Variants in C6orf52 observed in about 807,000 individuals in gnomAD.
C6orf52 encodes chromosome 6 open reading frame 52, also known as putative uncharacterized protein C6orf52.
In C6orf52, 16 loss-of-function variants were observed where a neutral mutation model predicts 16.6. The observed-to-expected ratio is 0.96, with a 90% CI of 0.65 to 1.46. The LOEUF (loss-of-function observed/expected upper bound fraction) is 1.46. Ranked by LOEUF, C6orf52 falls within the 40% of genes most tolerant of loss-of-function variation. C6orf52 has a pLI of 0.00. For missense variants in C6orf52, 166 were observed against 182.3 expected, an observed-to-expected ratio of 0.91 and a Z score of 0.52; for synonymous variants, 53 against 61.4, an observed-to-expected ratio of 0.86 and a Z score of 0.64.
Position 10,687,575 on chromosome 6 carries a change from G to C in C6orf52, c.-11-14C>G. On this transcript the variant is annotated splice_polypyrimidine_tract_variant and intron_variant, in intron 1 of 4. Coordinates refer to ENST00000259983, the MANE Select transcript of C6orf52 (RefSeq NM_001145020.3). ...TTTACCCAGAAACTTTACAAAAAGAGAGCAGAATCCAGTTTTTATTCCTGC... is the reference window on the plus strand; with the variant it reads ...TTTACCCAGAAACTTTACAAAAAGACAGCAGAATCCAGTTTTTATTCCTGC... The C allele has an allele frequency of 6.6e-7, 1 of 1,508,640 alleles. No homozygotes were observed. Among genetic ancestry groups the C allele is most frequent in the Non-Finnish European group, 9.0e-7 (1 of 1,109,820 alleles). 93.5% of individuals were successfully genotyped at this position (1,508,640 alleles called of 1,614,324 possible). A position where few individuals can be genotyped will look rare whatever the true frequency, so the allele number is the denominator to read the frequency against.
At chr6:10,678,815 C>G (rs1325960649) in intron 4 of C6orf52, among the ~76,000 whole-genome samples, 2 of 152,120 alleles carry the variant, frequency 1.3e-5, no homozygotes, top group African/African-American at 4.8e-5. Flanking sequence ...ACAAATTTGG[C>G]CAGGCACAGT....
At chr6:10,687,654 G>A (rs755542231) in intron 1 of C6orf52, 93 bp from the exon 2 acceptor site, 84 of 744,626 alleles carry the variant, frequency 1.1e-4, no homozygotes, top group East Asian at 2.7e-4. Flanking sequence ...AATAAGTCTC[G>A]CAACTACATC....
At chr6:10,677,158 T>G (rs1404903229) in intron 4 of C6orf52, among the ~76,000 whole-genome samples, 2 of 152,248 alleles carry the variant, frequency 1.3e-5, no homozygotes, top group African/African-American at 4.8e-5. Context: ...GGGTCTTACA[T>G]TTAAGTCTTT....
chr6:10,682,848 C>T (rs570556785), intron 4 of C6orf52, among the ~76,000 whole-genome samples: 15 of 152,294 alleles, frequency 9.8e-5, no homozygotes, highest in East Asian at 1.9e-4. Context: ...CAGCAATCAC[C>T]TCATGCTCTT....
chr6:10,690,945 A>T (rs1484520708), intron 1 of C6orf52, among the ~76,000 whole-genome samples: 1 of 152,228 alleles, frequency 6.6e-6, no homozygotes, highest in Non-Finnish European at 1.5e-5. Context: ...GACAATGAAA[A>T]TCCGCAATCT....
intron 1 of C6orf52, among the ~76,000 whole-genome samples, chr6:10,692,356 T>TA (rs1769395560): frequency 6.6e-6 from 1 of 152,116 alleles, no homozygotes; most frequent in Admixed American, 6.5e-5. Flanking sequence ...GGTGGAAACT[T>TA]ACACATTACA....
intron 4 of C6orf52, chr6:10,672,576 A>G (rs1405949311): frequency 1.4e-6 from 1 of 702,054 alleles, no homozygotes; most frequent in Non-Finnish European, 2.6e-6. Context: ...GGAAGCTGAG[A>G]CCAGTGAATT....
At chr6:10,693,746 T>C (rs1169196338) in intron 1 of C6orf52, among the ~76,000 whole-genome samples, 1 of 152,112 alleles carries the variant, frequency 6.6e-6, no homozygotes, top group East Asian at 1.9e-4. Flanking sequence ...TTTTTTTTCT[T>C]TGAAAGGGGG....
chr6:10,680,671 C>T (rs1472481803), intron 4 of C6orf52, among the ~76,000 whole-genome samples: 1 of 151,970 alleles, frequency 6.6e-6, no homozygotes, highest in Non-Finnish European at 1.5e-5. Flanking sequence ...CTGGGAGGAT[C>T]GCTTGAGCCT....
intron 4 of C6orf52, among the ~76,000 whole-genome samples, chr6:10,675,669 C>T (rs912650708): frequency 2.0e-5 from 3 of 152,240 alleles, no homozygotes; most frequent in African/African-American, 7.2e-5. Flanking sequence ...CTTTTCTTCA[C>T]ATCCTACCCA....
chr6:10,688,239 G>A (rs978936224), intron 1 of C6orf52, among the ~76,000 whole-genome samples: 3 of 151,522 alleles, frequency 2.0e-5, no homozygotes, highest in South Asian at 4.2e-4. Context: ...CCCAAACTTC[G>A]ATGTGCATTC....
intron 3 of C6orf52, among the ~76,000 whole-genome samples, chr6:10,684,650 C>T (rs1364315689): frequency 1.3e-5 from 2 of 152,192 alleles, no homozygotes; most frequent in Non-Finnish European, 2.9e-5. Context: ...GAGACATCCA[C>T]CTCCACAACG....
intron 1 of C6orf52, among the ~76,000 whole-genome samples, chr6:10,688,921 G>A (rs1487521210): frequency 6.6e-6 from 1 of 151,906 alleles, no homozygotes; most frequent in East Asian, 1.9e-4. Flanking sequence ...AAGTGATTCT[G>A]CTGCCTCAAC....
At chr6:10,684,337 A>G (rs1335992596) in intron 3 of C6orf52, among the ~76,000 whole-genome samples, 1 of 152,202 alleles carries the variant, frequency 6.6e-6, no homozygotes, top group African/African-American at 2.4e-5. Context: ...AAGAAAAGAA[A>G]GAAATGGCAA....
In C6orf52 at chr6:10,689,346, C is replaced by T. The variant is rs943620210; in HGVS notation, c.-11-1785G>A. On this transcript the variant is annotated intron_variant, in intron 1 of 4. Transcript: ENST00000259983. ...ACAGACGCTGAGGGCCGATGGTATCCGCAAGGCAGGGTAACTGGCATTGGT... is the reference window on the plus strand; with the variant it reads ...ACAGACGCTGAGGGCCGATGGTATCTGCAAGGCAGGGTAACTGGCATTGGT... 1.2e-4 allele frequency among the ~76,000 whole-genome samples: 18 copies of T among 152,174 alleles called. No homozygotes were observed. In the East Asian group the frequency reaches 1.5e-3, roughly 13 times the overall value.
intron 1 of C6orf52, among the ~76,000 whole-genome samples, chr6:10,691,864 T>C (rs532811870): frequency 9.9e-4 from 150 of 152,250 alleles, no homozygotes; most frequent in African/African-American, 3.4e-3. Context: ...TAAAACCACT[T>C]TGAGTTATGT....
intron 4 of C6orf52, among the ~76,000 whole-genome samples, chr6:10,681,252 T>C (rs1768364426): frequency 6.6e-6 from 1 of 152,208 alleles, no homozygotes; most frequent in Non-Finnish European, 1.5e-5. Context: ...TACTGATGTA[T>C]AATTGTTCAT....
At chr6:10,685,074 A>T (rs1768747757) in intron 3 of C6orf52, among the ~76,000 whole-genome samples, 1 of 152,210 alleles carries the variant, frequency 6.6e-6, no homozygotes, top group African/African-American at 2.4e-5. Context: ...CAGGTGAGAA[A>T]AAAAGGATGT....
chr6:10,692,948 G>A (rs1173810261), intron 1 of C6orf52, among the ~76,000 whole-genome samples: 1 of 152,200 alleles, frequency 6.6e-6, no homozygotes, highest in Admixed American at 6.5e-5. Context: ...GGCAGATGAC[G>A]TAGAAAGTAA....
Sources: gnomAD v4.1 joint callset for allele counts (sites outside exome capture counted in the v4.1 genomes callset) on GRCh38, gnomAD v4.1.1 for gene constraint, MANE v1.5 for transcripts, NCBI Gene and HGNC (gene_info 2026-07-23, HGNC 2026-07-21) for gene names.